SNX18: variants seen among roughly 807,000 people sequenced by gnomAD.
The protein encoded by SNX18 is sorting nexin-18.
SNX18 carries 35 observed loss-of-function variants against 48.7 expected under a neutral mutation model. That is an observed-to-expected ratio of 0.72 (90% CI 0.55 to 0.95). SNX18 has a LOEUF of 0.95. SNX18 is among the 40% of genes least tolerant of loss of function. The pLI is 0.00. For missense variants in SNX18, 824 were observed against 871.0 expected, an observed-to-expected ratio of 0.95 and a Z score of 0.68; for synonymous variants, 492 against 384.7, an observed-to-expected ratio of 1.28 and a Z score of -3.26.
chr5:54,581,526 A>T, the SNX18 span, among the ~76,000 whole-genome samples: 2 of 151,906 alleles, frequency 1.3e-5, no homozygotes, highest in Non-Finnish European at 2.9e-5. Context: ...TGGCGTTCCC[A>T]CCAGACTTCT....
chr5:54,533,761 C>T (rs912229950), intron 1 of SNX18, among the ~76,000 whole-genome samples: 17 of 152,312 alleles, frequency 1.1e-4, no homozygotes, highest in East Asian at 1.9e-4. Context: ...AGTGGCTGGA[C>T]GGCTGCCCTA....
the SNX18 span, among the ~76,000 whole-genome samples, chr5:54,571,261 A>G: frequency 6.6e-6 from 1 of 152,158 alleles, no homozygotes; most frequent in Admixed American, 6.5e-5. Context: ...GGGAGGGGAA[A>G]GGAGCAGCAG....
At chr5:54,573,836 G>A in the SNX18 span, among the ~76,000 whole-genome samples, 1 of 152,186 alleles carries the variant, frequency 6.6e-6, no homozygotes, top group African/African-American at 2.4e-5. Context: ...CAGTGCAGCT[G>A]TAAGTGACAG....
chr5:54,542,791 T>A (rs1308614365), intron 1 of SNX18, among the ~76,000 whole-genome samples: 1 of 152,208 alleles, frequency 6.6e-6, no homozygotes, highest in Non-Finnish European at 1.5e-5. Flanking sequence ...ATTCTCTTAA[T>A]ATATGTGGAA....
At chr5:54,561,500 G>T in the SNX18 span, among the ~76,000 whole-genome samples, 1 of 141,252 alleles carries the variant, frequency 7.1e-6, no homozygotes, top group Non-Finnish European at 1.5e-5. Flanking sequence ...GGCACGCCCA[G>T]CTAATTTTTT....
chr5:54,560,285 A>G, the SNX18 span, among the ~76,000 whole-genome samples: 1 of 152,250 alleles, frequency 6.6e-6, no homozygotes, highest in Non-Finnish European at 1.5e-5. Flanking sequence ...ACCGTAGAAT[A>G]CTATGCAGCC....
At chr5:54,645,215 T>G in the SNX18 span, 1 of 152,222 alleles carries the variant, frequency 6.6e-6, no homozygotes, top group African/African-American at 2.4e-5. Flanking sequence ...CCTGAGTTAT[T>G]TGGATACAAA....
the SNX18 span, among the ~76,000 whole-genome samples, chr5:54,637,626 C>T: frequency 2.0e-5 from 3 of 152,112 alleles, no homozygotes; most frequent in African/African-American, 7.2e-5. Flanking sequence ...TGAGGAGACA[C>T]GCCAGAGTGG....
In SNX18 at chr5:54,539,726, A is replaced by G. The variant is rs1762429245; in HGVS notation, c.1622-3453A>G. 2.6e-5 allele frequency among the ~76,000 whole-genome samples: 4 copies of G among 152,018 alleles called. No homozygotes were observed. In the South Asian group the frequency reaches 8.3e-4, roughly 32 times the overall value. On this transcript the variant is annotated intron_variant, in intron 1 of 1. Transcript: ENST00000381410. The stretch of plus-strand genomic sequence containing the variant: ...CATAAATGTTCACGTTAAAATTCTC[A>G]CCCTGGAGCCCAACCTTTTGGGGAC...
At chr5:54,568,049 T>A in the SNX18 span, among the ~76,000 whole-genome samples, 1 of 152,218 alleles carries the variant, frequency 6.6e-6, no homozygotes, top group African/African-American at 2.4e-5. Context: ...CATATCATGC[T>A]TAACTCACCC....
At chr5:54,532,307 C>CTTTTTT (rs35717409) in intron 1 of SNX18, among the ~76,000 whole-genome samples, 1 of 137,064 alleles carries the variant, frequency 7.3e-6, no homozygotes, top group Admixed American at 7.4e-5. Flanking sequence ...TCTATTGTTG[C>CTTTTTT]TTTTTTTTTT....
chr5:54,640,210 C>CT, the SNX18 span, among the ~76,000 whole-genome samples: 56,622 of 146,116 alleles, frequency 0.39, 10,778 homozygotes, highest in South Asian at 0.42. Context: ...GAAATAGATT[C>CT]TTTTTTTTTT....
chr5:54,517,948 G>A lies in SNX18; in HGVS notation c.-5G>A. ...GTCGGGACCGCCAGTCGGGGCGCCGGGACCATGGCGCTGCGCGCCCGGGCG... is the reference window on the plus strand; with the variant it reads ...GTCGGGACCGCCAGTCGGGGCGCCGAGACCATGGCGCTGCGCGCCCGGGCG... On this transcript the variant is annotated 5_prime_UTR_variant, in exon 1 of 2. Transcript: ENST00000381410. 1 of 1,506,826 alleles carries A rather than the reference G, an allele frequency of 6.6e-7. No individual in the cohort carries two copies. Among genetic ancestry groups the A allele is most frequent in the Non-Finnish European group, 8.8e-7 (1 of 1,131,174 alleles). 93.3% of individuals were successfully genotyped at this position (1,506,826 alleles called of 1,614,324 possible).
intron 1 of SNX18, among the ~76,000 whole-genome samples, chr5:54,531,400 G>T (rs1291541388): frequency 6.6e-6 from 1 of 152,190 alleles, no homozygotes; most frequent in Non-Finnish European, 1.5e-5. Flanking sequence ...TGGGGCTGAA[G>T]GGAGTCTTAG....
chr5:54,573,241 C>T, the SNX18 span, among the ~76,000 whole-genome samples: 1 of 152,144 alleles, frequency 6.6e-6, no homozygotes, highest in Non-Finnish European at 1.5e-5. Context: ...AGGGCAGACG[C>T]GTTCCTCCTT....
At chr5:54,560,643 GATAAAA>G in the SNX18 span, among the ~76,000 whole-genome samples, 2 of 152,130 alleles carry the variant, frequency 1.3e-5, no homozygotes, top group Non-Finnish European at 2.9e-5. Flanking sequence ...CTAAATTAAA[GATAAAA>G]ATAAAAGAAA....
chr5:54,636,025 A>T, the SNX18 span, among the ~76,000 whole-genome samples: 2,030 of 152,204 alleles, frequency 0.013, 50 homozygotes, highest in African/African-American at 0.047. Context: ...GGCAATGGGG[A>T]TGCTAAATGC....
chr5:54,557,577 CAT>C, the SNX18 span, among the ~76,000 whole-genome samples: 1 of 152,102 alleles, frequency 6.6e-6, no homozygotes, highest in Non-Finnish European at 1.5e-5. Flanking sequence ...TAGTCAAATT[CAT>C]AGAGACAGAA....
the SNX18 span, among the ~76,000 whole-genome samples, chr5:54,602,147 TAA>T: frequency 1.3e-5 from 2 of 152,264 alleles, no homozygotes; most frequent in South Asian, 2.1e-4. Flanking sequence ...CTGGCAGTGA[TAA>T]AGTGTTAGGA....
Sources: gnomAD v4.1 joint callset for allele counts (sites outside exome capture counted in the v4.1 genomes callset) on GRCh38, gnomAD v4.1.1 for gene constraint, MANE v1.5 for transcripts, NCBI Gene and HGNC (gene_info 2026-07-23, HGNC 2026-07-21) for gene names.